GRM7: variants seen among roughly 807,000 people sequenced by gnomAD.
GRM7 encodes metabotropic glutamate receptor 7.
A neutral mutation model predicts 84.5 loss-of-function variants in GRM7; 35 were observed. That is an observed-to-expected ratio of 0.41 (90% confidence interval 0.32 to 0.55). GRM7 has a LOEUF of 0.55. GRM7 is among the 20% of genes least tolerant of loss of function. The pLI is 0.19. For synonymous variants in GRM7, 487 were observed against 455.1 expected (o/e 1.07, Z -0.89); for missense variants, 1,003 against 1,194.6 (o/e 0.84, Z 2.36).
intron 1 of GRM7, among the ~76,000 whole-genome samples, chr3:7,081,564 A>G (rs532265246): frequency 1.5e-4 from 23 of 152,186 alleles, no homozygotes; most frequent in African/African-American, 5.3e-4. Flanking sequence ...ATGGCCTCTA[A>G]TTATTCAAGT....
intron 1 of GRM7, among the ~76,000 whole-genome samples, chr3:7,035,357 A>T (rs996741176): frequency 6.6e-6 from 1 of 152,270 alleles, no homozygotes; most frequent in Middle Eastern, 3.4e-3. Flanking sequence ...TTTTGCTGAG[A>T]TAAAATATGG....
intron 8 of GRM7, among the ~76,000 whole-genome samples, chr3:7,587,748 G>C (rs115896677): frequency 6.6e-6 from 1 of 152,152 alleles, no homozygotes; most frequent in African/African-American, 2.4e-5. Flanking sequence ...GCTACCAGTC[G>C]TGATTTAAAT....
chr3:6,871,648 T>C (rs1486896281), intron 1 of GRM7, among the ~76,000 whole-genome samples: 1 of 152,048 alleles, frequency 6.6e-6, no homozygotes, highest in Non-Finnish European at 1.5e-5. Flanking sequence ...GGCTACCAGA[T>C]ATTGGTCCAA....
At chr3:7,292,016 A>G (rs1170379209) in intron 2 of GRM7, among the ~76,000 whole-genome samples, 1 of 152,130 alleles carries the variant, frequency 6.6e-6, no homozygotes, top group Non-Finnish European at 1.5e-5. Flanking sequence ...CTGCCATGTA[A>G]TATGTGCTTT....
chr3:7,549,613 G>A (rs960668666), intron 7 of GRM7, among the ~76,000 whole-genome samples: 1 of 152,022 alleles, frequency 6.6e-6, no homozygotes, highest in Non-Finnish European at 1.5e-5. Flanking sequence ...AACCACATGG[G>A]AAGAAAAAAC....
At chr3:7,443,122 T>A (rs1697360854) in intron 5 of GRM7, among the ~76,000 whole-genome samples, 1 of 152,118 alleles carries the variant, frequency 6.6e-6, no homozygotes, top group Admixed American at 6.6e-5. Flanking sequence ...CATCATGTGA[T>A]CCTTCAGACC....
At chr3:7,050,481 T>C (rs369606363) in intron 1 of GRM7, among the ~76,000 whole-genome samples, 3 of 152,020 alleles carry the variant, frequency 2.0e-5, no homozygotes, top group African/African-American at 7.2e-5. Context: ...ATATCCACTA[T>C]AGTCACCCCA....
At chr3:7,648,351 A>G (rs1357003696) in intron 8 of GRM7, among the ~76,000 whole-genome samples, 1 of 152,038 alleles carries the variant, frequency 6.6e-6, no homozygotes, top group Admixed American at 6.5e-5. Context: ...GATCTGGGAC[A>G]CAAGAAGGAT....
At chr3:7,452,556 A>C in intron 5 of GRM7, 51 bp from the exon 6 acceptor site, 2 of 1,137,480 alleles carry the variant, frequency 1.8e-6, no homozygotes, top group Non-Finnish European at 2.6e-6. Flanking sequence ...CTCAATGCCA[A>C]TTTGTGTGTG....
At chr3:7,440,164 G>T (rs1234715583) in intron 5 of GRM7, among the ~76,000 whole-genome samples, 1 of 152,156 alleles carries the variant, frequency 6.6e-6, no homozygotes, top group East Asian at 1.9e-4. Flanking sequence ...AGGGAGGCAT[G>T]AATGATTTAT....
intron 4 of GRM7, among the ~76,000 whole-genome samples, chr3:7,359,163 A>G (rs974097382): frequency 7.2e-6 from 1 of 139,312 alleles, no homozygotes; most frequent in African/African-American, 2.8e-5. Context: ...GTCTAGGTCT[A>G]TGTATTTTAT....
At chr3:7,727,352 T>C (rs1702165267) in intron 9 of GRM7, among the ~76,000 whole-genome samples, 1 of 152,186 alleles carries the variant, frequency 6.6e-6, no homozygotes, top group Non-Finnish European at 1.5e-5. Context: ...CAAATGCATG[T>C]TGCTTGTACT....
intron 4 of GRM7, among the ~76,000 whole-genome samples, chr3:7,369,209 T>C (rs1694034786): frequency 6.6e-6 from 1 of 152,076 alleles, no homozygotes; most frequent in Non-Finnish European, 1.5e-5. Context: ...TGCATGCTAC[T>C]ACACAAACAA....
intron 1 of GRM7, among the ~76,000 whole-genome samples, chr3:6,953,678 T>C (rs1034288747): frequency 2.0e-5 from 3 of 152,210 alleles, no homozygotes; most frequent in Non-Finnish European, 4.4e-5. Flanking sequence ...CACCAGGTGA[T>C]TGCTGAATAA....
At chr3:6,988,411 G>A (rs1694509765) in intron 1 of GRM7, among the ~76,000 whole-genome samples, 1 of 151,966 alleles carries the variant, frequency 6.6e-6, no homozygotes, top group African/African-American at 2.4e-5. Context: ...GATGCATCCA[G>A]TGTTCTCCAA....
chr3:7,461,872 C>T, intron 7 of GRM7, 150 bp downstream of exon 7: 1 of 679,684 alleles, frequency 1.5e-6, no homozygotes, highest in East Asian at 2.6e-5. Flanking sequence ...GAACTGATAT[C>T]CAATAATAAT....
At chr3:7,152,151 G>T (rs1050378359) in intron 2 of GRM7, among the ~76,000 whole-genome samples, 7 of 152,194 alleles carry the variant, frequency 4.6e-5, no homozygotes, top group Non-Finnish European at 1.0e-4. Context: ...CATTTCATTT[G>T]TTTTGGGATC....
intron 9 of GRM7, chr3:7,691,078 TTTAAA>T (rs139007751): frequency 9.3e-5 from 42 of 450,078 alleles, no homozygotes; most frequent in African/African-American, 4.0e-4. Context: ...TGGATTACAC[TTTAAA>T]TTAACTTTCT....
chr3:7,253,043 G>C lies in GRM7; in HGVS notation c.737-45641G>C, dbSNP rs535134302. 5.8e-5 allele frequency among the ~76,000 whole-genome samples: 8 copies of C among 138,818 alleles called. No individual in the cohort carries two copies. The East Asian group carries it at 1.8e-3, about 31-fold the overall frequency. The allele number at this position is 138,818 out of a possible 152,430, so 91.1% of individuals were successfully genotyped here. On this transcript the variant is annotated intron_variant, in intron 2 of 9. Coordinates refer to ENST00000357716, the MANE Select transcript of GRM7 (RefSeq NM_000844.4). ...AAAAAAAAAAAAAAAAAAAAGGAGA[G>C]AGTTGACTTCACAGGAATAATGGTG...
Sources: allele counts gnomAD v4.1 joint callset (sites outside exome capture counted in the v4.1 genomes callset), GRCh38; gene constraint gnomAD v4.1.1; transcripts MANE v1.5; gene names NCBI Gene and HGNC (gene_info 2026-07-23, HGNC 2026-07-21).